TLL1: variants seen among roughly 807,000 people sequenced by gnomAD.
TLL1 encodes the protein tolloid-like protein 1.
TLL1 carries 49 observed loss-of-function variants against 128.2 expected under a neutral mutation model. That is an observed-to-expected ratio of 0.38 (90% CI 0.30 to 0.48). The LOEUF is 0.48. Among genes scored for constraint, TLL1 ranks in the 20% least tolerant of loss-of-function variants. The pLI is 0.96. For missense variants in TLL1, 1,123 were observed against 1,242.0 expected (o/e 0.90, Z 1.44); for synonymous variants, 454 against 418.8 (o/e 1.08, Z -1.03).
At chr4:165,897,781 T>G (rs1426546859) in intron 1 of TLL1, among the ~76,000 whole-genome samples, 5 of 150,130 alleles carry the variant, frequency 3.3e-5, no homozygotes, top group Non-Finnish European at 7.4e-5. Flanking sequence ...CAATGGTAGC[T>G]GGATGGGGAT....
At chr4:166,099,630 A>T in intron 20 of TLL1, 103 bp downstream of exon 20, 2 of 1,330,230 alleles carry the variant, frequency 1.5e-6, no homozygotes, top group East Asian at 5.4e-5. Context: ...TTTTTGCAAA[A>T]AAAAAAAAAA....
At chr4:166,021,972 G>A (rs1040958595) in intron 8 of TLL1, among the ~76,000 whole-genome samples, 6 of 152,034 alleles carry the variant, frequency 3.9e-5, no homozygotes, top group South Asian at 2.1e-4. Context: ...CAGTTATAAC[G>A]GAAATGTATT....
chr4:166,017,589 G>A (rs182720040), intron 8 of TLL1, among the ~76,000 whole-genome samples: 81 of 152,132 alleles, frequency 5.3e-4, no homozygotes, highest in African/African-American at 1.9e-3. Context: ...CTACAGCCTT[G>A]CAGGTGTCTA....
intron 1 of TLL1, among the ~76,000 whole-genome samples, chr4:165,931,198 C>T (rs1167969690): frequency 6.6e-6 from 1 of 151,906 alleles, no homozygotes; most frequent in Non-Finnish European, 1.5e-5. Flanking sequence ...GATCATAAAG[C>T]CAAGGCATTC....
intron 17 of TLL1, 33 bp from the exon 18 acceptor site, chr4:166,077,870 C>T (rs770668669): frequency 1.2e-6 from 2 of 1,612,032 alleles, no homozygotes; most frequent in South Asian, 2.2e-5. Flanking sequence ...GGCTGGATTG[C>T]CACACTGTCT....
chr4:166,031,757 A>G (rs1289092942), intron 9 of TLL1, among the ~76,000 whole-genome samples: 2 of 152,138 alleles, frequency 1.3e-5, no homozygotes, highest in Non-Finnish European at 2.9e-5. Flanking sequence ...TTTAGCAAAA[A>G]CCTGTCTCAA....
chr4:165,965,278 C>T (rs1735313013), intron 1 of TLL1, among the ~76,000 whole-genome samples: 1 of 151,854 alleles, frequency 6.6e-6, no homozygotes, highest in Non-Finnish European at 1.5e-5. Flanking sequence ...CTTTAAAAAC[C>T]CTACATACAA....
intron 1 of TLL1, among the ~76,000 whole-genome samples, chr4:165,985,597 G>A (rs576811550): frequency 3.3e-5 from 5 of 152,046 alleles, no homozygotes; most frequent in Middle Eastern, 3.4e-3. Flanking sequence ...TAAAGCTGAC[G>A]GCCTCAGCTT....
chr4:166,063,597 T>C (rs2202252), intron 15 of TLL1, among the ~76,000 whole-genome samples: 78,072 of 151,912 alleles, frequency 0.51, 23,130 homozygotes, highest in African/African-American at 0.84. Flanking sequence ...AACCCAAATG[T>C]CCATCAATGA....
At chr4:166,080,613 CATT>C (rs1223007229) in intron 18 of TLL1, among the ~76,000 whole-genome samples, 5 of 151,880 alleles carry the variant, frequency 3.3e-5, no homozygotes, top group Non-Finnish European at 7.4e-5. Context: ...TAAAATAAGA[CATT>C]ATGTATGCAA....
At position 166,014,430 on chromosome 4, in the gene TLL1, T is replaced by A. The variant is rs747043866; in HGVS notation, c.918-6T>A. 1.2e-6 allele frequency: 2 copies of A among 1,611,990 alleles called. No individual in the cohort carries two copies. Among genetic ancestry groups the A allele is most frequent in the South Asian group, 2.2e-5 (2 of 91,068 alleles). ...TTAGGTGTGGTTTGCTTCTGCTTTT[T>A]TTCAGGGGGATGTTTCTGGATACCA... is the stretch of plus-strand genomic sequence containing the variant. On this transcript the variant is annotated splice_polypyrimidine_tract_variant and splice_region_variant and intron_variant, in intron 7 of 20. Coordinates refer to ENST00000061240, the MANE Select transcript of TLL1 (RefSeq NM_012464.5).
chr4:166,088,083 A>G (rs1395160914), intron 18 of TLL1, among the ~76,000 whole-genome samples: 2 of 152,174 alleles, frequency 1.3e-5, no homozygotes, highest in African/African-American at 4.8e-5. Context: ...AAAATATTTA[A>G]GTCTACCAAA....
chr4:165,974,142 T>TTTTTTG (rs1735763734), intron 1 of TLL1, among the ~76,000 whole-genome samples: 1 of 110,776 alleles, frequency 9.0e-6, no homozygotes, highest in Non-Finnish European at 1.7e-5. Context: ...TCTTTTTTTT[T>TTTTTTG]TTTTTTTTTT....
At chr4:165,907,714 A>G (rs1318828565) in intron 1 of TLL1, among the ~76,000 whole-genome samples, 1 of 151,960 alleles carries the variant, frequency 6.6e-6, no homozygotes, top group Non-Finnish European at 1.5e-5. Context: ...ACGCCCGTCT[A>G]ATTTTGTGTT....
At chr4:166,011,377 T>C (rs1737690173) in intron 7 of TLL1, among the ~76,000 whole-genome samples, 2 of 151,540 alleles carry the variant, frequency 1.3e-5, no homozygotes, top group Non-Finnish European at 3.0e-5. Flanking sequence ...TAAGTTTTTT[T>C]CTAAGGTTTT....
intron 1 of TLL1, among the ~76,000 whole-genome samples, chr4:165,894,793 T>C (rs1731590856): frequency 6.6e-6 from 1 of 151,962 alleles, no homozygotes. Context: ...TTTCTGTTAC[T>C]ACCTTTCTGG....
At chr4:165,992,573 T>C (rs1056875495) in intron 2 of TLL1, among the ~76,000 whole-genome samples, 2 of 152,044 alleles carry the variant, frequency 1.3e-5, no homozygotes, top group Admixed American at 6.6e-5. Flanking sequence ...GATGTCCAAA[T>C]AAAGTTATTT....
At chr4:165,903,821 T>C (rs1256458716) in intron 1 of TLL1, among the ~76,000 whole-genome samples, 1 of 152,040 alleles carries the variant, frequency 6.6e-6, no homozygotes, top group Admixed American at 6.6e-5. Context: ...AAGAGGTTTA[T>C]GGCACATATT....
intron 2 of TLL1, among the ~76,000 whole-genome samples, chr4:165,992,031 T>C (rs763096489): frequency 6.6e-6 from 1 of 152,068 alleles, no homozygotes; most frequent in Non-Finnish European, 1.5e-5. Context: ...CCAAATGCTA[T>C]GCTTTCTGAC....
Sources: allele counts gnomAD v4.1 joint callset (sites outside exome capture counted in the v4.1 genomes callset), GRCh38; gene constraint gnomAD v4.1.1; transcripts MANE v1.5; gene names NCBI Gene and HGNC (gene_info 2026-07-23, HGNC 2026-07-21).